The following ABLIM1 variants were observed in gnomAD, a reference collection of about 807,000 sequenced individuals.
ABLIM1 encodes the protein actin binding LIM protein 1.
ABLIM1 carries 40 observed loss-of-function variants against 107.0 expected under a neutral mutation model. The observed-to-expected ratio is 0.37, with a 90% CI of 0.29 to 0.49. ABLIM1 has a LOEUF of 0.49. ABLIM1 is among the 20% of genes least tolerant of loss of function. The probability of loss-of-function intolerance (pLI) is 0.97; values close to 1 mark genes in which losing one functional copy is unlikely to be tolerated. For synonymous variants in ABLIM1, 357 were observed against 357.3 expected, an observed-to-expected ratio of 1.00 and a Z score of 0.01; for missense variants, 857 against 1,008.5, an observed-to-expected ratio of 0.85 and a Z score of 2.04.
At chr10:114,788,664 G>A in the ABLIM1 span, among the ~76,000 whole-genome samples, 1 of 152,128 alleles carries the variant, frequency 6.6e-6, no homozygotes, top group Admixed American at 6.6e-5. Flanking sequence ...GGAGGTGGAG[G>A]TTGCAGTGAG....
intron 12 of ABLIM1, among the ~76,000 whole-genome samples, chr10:114,456,968 T>A (rs1565334327): frequency 6.6e-6 from 1 of 152,022 alleles, no homozygotes; most frequent in African/African-American, 2.4e-5. Flanking sequence ...TTGTTCAAAT[T>A]TTGTAAGCAG....
intron 1 of ABLIM1, among the ~76,000 whole-genome samples, chr10:114,669,224 A>G (rs2080151435): frequency 7.9e-6 from 1 of 126,422 alleles, no homozygotes; most frequent in South Asian, 2.2e-4. Context: ...CATTAAAGAC[A>G]GGTACATTTT....
rs376369718 is a variant in ABLIM1, at chr10:114,684,260, A to G, written c.64+30T>C. ...ACACGGTCGACCCCAGACAGAATATATGCTGACTTTACAAAATGGACGGTC... is the reference window on the plus strand; with the variant it reads ...ACACGGTCGACCCCAGACAGAATATGTGCTGACTTTACAAAATGGACGGTC... On this transcript the variant is annotated intron_variant, in intron 1 of 23. Transcript: ENST00000369256. 5 of 1,610,618 alleles carry G rather than the reference A, an allele frequency of 3.1e-6. No individual in the cohort carries two copies. The African/African-American group carries it at 5.3e-5, about 17-fold the overall frequency.
At chr10:114,677,266 T>C (rs2080527860) in intron 1 of ABLIM1, among the ~76,000 whole-genome samples, 1 of 152,132 alleles carries the variant, frequency 6.6e-6, no homozygotes, top group African/African-American at 2.4e-5. Flanking sequence ...AATAGTGAAA[T>C]GAATGAAATA....
At chr10:114,704,300 C>CTATATATATATA (rs1192514543) in intron 1 of ABLIM1, among the ~76,000 whole-genome samples, 2 of 28,882 alleles carry the variant, frequency 6.9e-5, no homozygotes, top group African/African-American at 1.4e-4. Context: ...CTCTCTCTCT[C>CTATATATATATA]TCTATATATA....
At chr10:114,556,022 A>C (rs2068683124) in intron 4 of ABLIM1, among the ~76,000 whole-genome samples, 1 of 152,120 alleles carries the variant, frequency 6.6e-6, no homozygotes, top group African/African-American at 2.4e-5. Flanking sequence ...CTTTTAATAG[A>C]CTGTTAACTA....
chr10:114,465,765 G>C lies in ABLIM1; in HGVS notation c.1374C>G (p.Ser458=). The C allele has an allele frequency of 6.2e-7, 1 of 1,614,088 alleles. No individual in the cohort carries two copies. The highest frequency in any genetic ancestry group is 8.5e-7 in the Non-Finnish European group (1 of 1,180,004). The part of the protein sequence containing the change: ...HRSTSQGSIN[S]PVYSRHSYTP... ...TGTAGCTGTGGCGGCTGTACACAGG[G>C]GAGTTGATGGAGCCCTGGCTCGTGG... The change falls in exon 12 of 23, where the codon TCC becomes TCG. Residue 458 remains serine (S), a synonymous_variant. Transcript: ENST00000533213.
chr10:114,491,918 G>A (rs760242535), intron 6 of ABLIM1, 40 bp from the exon 7 acceptor site: 2 of 1,474,922 alleles, frequency 1.4e-6, no homozygotes, highest in Admixed American at 1.7e-5. Context: ...TCTGCTCCTT[G>A]TCATGGATTC....
At position 114,472,986 on chromosome 10, in the gene ABLIM1, G is replaced by A. The variant is rs528402176; in HGVS notation, c.1266C>T (p.Ser422=). ...AGTAGGAATGTATTACCTCTCCAAGGCTCTGTCTCTCCTGTTTGTCATCAT... is the reference window on the plus strand; with the variant it reads ...AGTAGGAATGTATTACCTCTCCAAGACTCTGTCTCTCCTGTTTGTCATCAT... ...SGYDDKQERQ[S]LGESPRTLSP... The change falls in exon 10 of 23, where the codon AGC becomes AGT. Residue 422 remains serine (S), a synonymous_variant. Coordinates refer to ENST00000533213, the MANE Select transcript of ABLIM1 (RefSeq NM_002313.7). The A allele has an allele frequency of 2.3e-5, 36 of 1,599,504 alleles. No homozygotes were observed. The highest frequency in any genetic ancestry group is 5.1e-5 in the Admixed American group (3 of 58,430).
At chr10:114,541,343 C>A (rs1426785748) in intron 6 of ABLIM1, among the ~76,000 whole-genome samples, 1 of 152,098 alleles carries the variant, frequency 6.6e-6, no homozygotes, top group Non-Finnish European at 1.5e-5. Context: ...AAAACTAATA[C>A]ATTTGTAAAG....
chr10:114,565,878 T>C (rs1251411893), intron 4 of ABLIM1, among the ~76,000 whole-genome samples: 1 of 135,752 alleles, frequency 7.4e-6, no homozygotes, highest in African/African-American at 2.7e-5. Flanking sequence ...CACTGCAAGC[T>C]CCGCCTCCTG....
chr10:114,762,752 A>G (rs11196903), intron 1 of ABLIM1, among the ~76,000 whole-genome samples: 98,393 of 151,846 alleles, frequency 0.65, 31,873 homozygotes, highest in African/African-American at 0.68. Flanking sequence ...TTACAAAACT[A>G]GGGTCATTTA....
intron 1 of ABLIM1, among the ~76,000 whole-genome samples, chr10:114,635,074 G>T (rs1337233733): frequency 6.6e-6 from 1 of 152,194 alleles, no homozygotes; most frequent in Admixed American, 6.5e-5. Flanking sequence ...ATCTTGAGAT[G>T]ATTTCCAAAG....
the ABLIM1 span, among the ~76,000 whole-genome samples, chr10:114,782,780 A>C: frequency 6.6e-6 from 1 of 152,098 alleles, no homozygotes; most frequent in Non-Finnish European, 1.5e-5. Flanking sequence ...TGGTAGCCCA[A>C]AATGTGATGG....
At chr10:114,743,127 A>G (rs1321655369) in intron 1 of ABLIM1, among the ~76,000 whole-genome samples, 1 of 152,216 alleles carries the variant, frequency 6.6e-6, no homozygotes, top group Non-Finnish European at 1.5e-5. Flanking sequence ...TATAAGTAGT[A>G]GCATTAATAC....
chr10:114,685,965 G>A (rs532277231), upstream of ABLIM1, among the ~76,000 whole-genome samples: 1 of 152,166 alleles, frequency 6.6e-6, no homozygotes, highest in South Asian at 2.1e-4. Context: ...TTAAATGAGA[G>A]AAGAAACCAA....
chr10:114,763,633 C>T (rs2082805658), intron 1 of ABLIM1, among the ~76,000 whole-genome samples: 1 of 152,156 alleles, frequency 6.6e-6, no homozygotes, highest in Non-Finnish European at 1.5e-5. Flanking sequence ...CTCATGCTGC[C>T]TTGGCCTCCC....
rs79808832 is a variant in ABLIM1 at position 114,752,132 on chromosome 10, T to G, written c.-213+15929A>C. Among the ~76,000 whole-genome samples, 8 of 152,314 alleles carry G rather than the reference T, an allele frequency of 5.3e-5. No homozygotes were observed. The East Asian group carries it at 1.5e-3, about 29-fold the overall frequency. The stretch of plus-strand genomic sequence containing the variant: ...CAAAGTAAAATTGAGTCATCTGATC[T>G]GGAAATTCATTTTTAGTTTCAGGTC... On this transcript the variant is annotated intron_variant, in intron 1 of 15. Transcript: ENST00000651092.
chr10:114,649,762 G>A (rs10885590), intron 1 of ABLIM1, among the ~76,000 whole-genome samples: 48,054 of 151,926 alleles, frequency 0.32, 8,662 homozygotes, highest in Non-Finnish European at 0.42. Context: ...CCTTCCTACT[G>A]GTAGCCTTCG....
Sources: allele counts gnomAD v4.1 joint callset (sites outside exome capture counted in the v4.1 genomes callset), GRCh38; gene constraint gnomAD v4.1.1; transcripts MANE v1.5; gene names NCBI Gene and HGNC (gene_info 2026-07-23, HGNC 2026-07-21).